The following BEGAIN variants were observed in gnomAD, a reference collection of about 807,000 sequenced individuals.
The protein encoded by BEGAIN is brain-enriched guanylate kinase-associated protein.
BEGAIN carries 19 observed loss-of-function variants against 35.8 expected under a neutral mutation model. The ratio of observed to expected loss-of-function variants is 0.53; its 90% confidence interval spans 0.37 to 0.78. The LOEUF is 0.78. BEGAIN is among the 30% of genes least tolerant of loss of function. The probability of loss-of-function intolerance (pLI) is 0.00; values close to 1 mark genes in which losing one functional copy is unlikely to be tolerated. For missense variants in BEGAIN, 795 were observed against 853.6 expected (o/e 0.93, Z 0.85); for synonymous variants, 462 against 388.6 (o/e 1.19, Z -2.22).
intron 1 of BEGAIN, among the ~76,000 whole-genome samples, chr14:100,581,725 C>A (rs1240910567): frequency 6.6e-6 from 1 of 152,228 alleles, no homozygotes; most frequent in African/African-American, 2.4e-5. Context: ...CACTCACACC[C>A]GTTTCCTCTC....
At chr14:100,542,456 C>A (rs535267490) in intron 5 of BEGAIN, among the ~76,000 whole-genome samples, 1 of 152,214 alleles carries the variant, frequency 6.6e-6, no homozygotes, top group Non-Finnish European at 1.5e-5. Context: ...GCCGGCATGC[C>A]GGCCTTCACG....
intron 1 of BEGAIN, among the ~76,000 whole-genome samples, chr14:100,583,692 CTTTTTT>C (rs56090356): frequency 5.5e-5 from 6 of 108,984 alleles, no homozygotes; most frequent in Admixed American, 1.0e-4. Flanking sequence ...GTTTTTCTTC[CTTTTTT>C]TTTTTTTTTT....
At chr14:100,545,417 T>C in intron 3 of BEGAIN, 1 of 1,104,682 alleles carries the variant, frequency 9.1e-7, no homozygotes, top group Non-Finnish European at 1.1e-6. Context: ...ACAAACCTGT[T>C]ATGGGGTTGA....
rs1033074526 is a variant in BEGAIN, at chr14:100,563,417, C to A, written c.71+4494G>T. Among the ~76,000 whole-genome samples, 5 of 152,320 alleles carry A rather than the reference C, an allele frequency of 3.3e-5. No individual in the cohort carries two copies. The highest frequency in any genetic ancestry group is 2.1e-4 in the South Asian group (1 of 4,822). On this transcript the variant is annotated intron_variant, in intron 2 of 6. Coordinates refer to ENST00000554140, the MANE Select transcript of BEGAIN (RefSeq NM_001385089.1). This position sits in a 1 kb window ranked among gnomAD's most constrained non-coding sequence, Gnocchi z 4.2. ...CATTCAACAAAATTAAAATTAAGAA[C>A]TTTTGTTCATAGAAGGACCGTGTGA...
intron 2 of BEGAIN, among the ~76,000 whole-genome samples, chr14:100,557,666 A>G (rs938795728): frequency 6.6e-6 from 1 of 152,010 alleles, no homozygotes; most frequent in Non-Finnish European, 1.5e-5. Context: ...CTGCACCCAC[A>G]TGGATGGCAG....
intron 2 of BEGAIN, among the ~76,000 whole-genome samples, chr14:100,550,987 C>G (rs1021721735): frequency 3.9e-5 from 6 of 152,164 alleles, no homozygotes; most frequent in Admixed American, 2.6e-4. Flanking sequence ...CAAGCTCCCC[C>G]TCCCTACTAG....
chr14:100,559,298 G>A (rs1375441749), intron 2 of BEGAIN, among the ~76,000 whole-genome samples: 2 of 152,200 alleles, frequency 1.3e-5, no homozygotes, highest in African/African-American at 2.4e-5. Flanking sequence ...CTCTCCCTCT[G>A]GAGAAGATGG....
chr14:100,583,565 C>T (rs550959914), intron 1 of BEGAIN, among the ~76,000 whole-genome samples: 1 of 152,262 alleles, frequency 6.6e-6, no homozygotes, highest in African/African-American at 2.4e-5. Context: ...CATCTGTCCA[C>T]CCACCCATCC....
chr14:100,580,468 C>G (rs1351851613), intron 1 of BEGAIN, among the ~76,000 whole-genome samples: 1 of 152,174 alleles, frequency 6.6e-6, no homozygotes, highest in Non-Finnish European at 1.5e-5. Context: ...GAACGTCTCT[C>G]AGGTCCTGAA....
rs2030761751 is a variant in BEGAIN, at chr14:100,537,688, C to T, written c.*281G>A. ...CCCTTTTTCTCTATAAAAATAGTTT[C>T]GCTTTATAAAAGGGGGGATGCTCCT... On this transcript the variant is annotated 3_prime_UTR_variant, in exon 7 of 7. Coordinates refer to ENST00000554140, the MANE Select transcript of BEGAIN (RefSeq NM_001385089.1). 1 of 423,256 alleles carries T rather than the reference C, an allele frequency of 2.4e-6. No homozygotes were observed. The highest frequency in any genetic ancestry group is 4.0e-5 in the Admixed American group (1 of 24,814). 26.2% of individuals were successfully genotyped at this position (423,256 alleles called of 1,614,324 possible). A position where few individuals can be genotyped will look rare whatever the true frequency, so the allele number is the denominator to read the frequency against.
chr14:100,572,485 C>T (rs780485386), intron 1 of BEGAIN, among the ~76,000 whole-genome samples: 2 of 152,134 alleles, frequency 1.3e-5, no homozygotes, highest in African/African-American at 4.8e-5. Context: ...GCTGGCCTCT[C>T]CGACCCCAAC....
chr14:100,546,574 T>C lies in BEGAIN; in HGVS notation c.160A>G (p.Thr54Ala). Residue 54 changes from threonine to alanine, a missense_variant, in exon 3 of 7, where the codon ACG becomes GCG. This residue lies in a region of BEGAIN where 58 missense variants were observed against 62.7 expected (regional missense o/e 0.92). Coordinates refer to ENST00000554140, the MANE Select transcript of BEGAIN (RefSeq NM_001385089.1). ...LEKLETEFDS[T>A]RHYLEIELRR... ...AGCTCGATCTCCAGGTAGTGGCGCG[T>C]GGAGTCGAACTCGGTCTCGAGCTTC... 6.3e-7 allele frequency: 1 copy of C among 1,590,150 alleles called. No individual in the cohort carries two copies. The highest frequency in any genetic ancestry group is 8.5e-7 in the Non-Finnish European group (1 of 1,171,444).
Position 100,539,092 on chromosome 14 carries a change from G to C in BEGAIN, c.716C>G (p.Pro239Arg). The C allele has an allele frequency of 6.2e-7, 1 of 1,611,288 alleles. No homozygotes were observed. The highest frequency in any genetic ancestry group is 8.5e-7 in the Non-Finnish European group (1 of 1,178,678). ...GCAGTAGATGTCTCCCTTGTAGGGG[G>C]GCCGCGGGCCTGGTTTCTCCACCCC... ...CDGVEKPGPR[P>R]PYKGDIYCSD... The change falls in exon 7 of 7, where the codon CCC becomes CGC. Residue 239 changes from proline to arginine, a missense_variant. Coordinates refer to ENST00000554140, the MANE Select transcript of BEGAIN (RefSeq NM_001385089.1).
intron 3 of BEGAIN, 94 bp from the exon 4 acceptor site, chr14:100,545,160 A>T (rs376786194): frequency 1.3e-6 from 2 of 1,593,534 alleles, no homozygotes; most frequent in South Asian, 1.1e-5. Context: ...GTGGGGCTGA[A>T]TTTGGACCTC....
At chr14:100,549,972 T>TG (rs1411808866) in intron 2 of BEGAIN, 1 of 153,498 alleles carries the variant, frequency 6.5e-6, no homozygotes, top group Non-Finnish European at 1.4e-5. Flanking sequence ...CTTCCAGGCC[T>TG]GGGGGCCTGG....
rs1566984774 is a variant in BEGAIN, at chr14:100,586,049, A to T, written c.42+1200T>A. On this transcript the variant is annotated intron_variant, in intron 1 of 6. Coordinates refer to ENST00000554140, the MANE Select transcript of BEGAIN (RefSeq NM_001385089.1). This position sits in a 1 kb window ranked among gnomAD's most constrained non-coding sequence, Gnocchi z 4.9. ...CGTCTCCCCGCCCTGCGTGTCACAG[A>T]TGCCAGGCAGAGCCACCCCCAACGG... Among the ~76,000 whole-genome samples, 1 of 152,204 alleles carries T rather than the reference A, an allele frequency of 6.6e-6. No individual in the cohort carries two copies. The highest frequency in any genetic ancestry group is 1.5e-5 in the Non-Finnish European group (1 of 68,028).
At chr14:100,550,756 C>T (rs1344975276) in intron 2 of BEGAIN, among the ~76,000 whole-genome samples, 1 of 152,212 alleles carries the variant, frequency 6.6e-6, no homozygotes, top group Non-Finnish European at 1.5e-5. Context: ...TCTGAAGGGT[C>T]CCAGCTCAGC....
rs201758337 is a variant in BEGAIN at position 100,539,093 on chromosome 14, G to A, written c.715C>T (p.Pro239Ser). ...CDGVEKPGPRPPYKGDIYCSD... is the reference protein window; with the variant it reads ...CDGVEKPGPRSPYKGDIYCSD... ...CAGTAGATGTCTCCCTTGTAGGGGG[G>A]CCGCGGGCCTGGTTTCTCCACCCCG... The change falls in exon 7 of 7, where the codon CCC becomes TCC. Residue 239 changes from proline (P) to serine (S), a missense_variant. By Grantham distance (74) the Pro-to-Ser change is moderately conservative. This residue lies in a region of BEGAIN where 664 missense variants were observed against 647.7 expected (regional missense o/e 1.03). Transcript: ENST00000554140. The A allele has an allele frequency of 6.8e-6, 11 of 1,611,226 alleles. No homozygotes were observed. The East Asian group carries it at 1.8e-4, about 26-fold the overall frequency.
At position 100,568,383 on chromosome 14, in the gene BEGAIN, C is replaced by T; in HGVS notation, c.43-444G>A. On this transcript the variant is annotated intron_variant, in intron 1 of 6. Transcript: ENST00000554140. This position sits in a 1 kb window ranked among gnomAD's most constrained non-coding sequence, Gnocchi z 7.5. ...AAGCCGAACCCCGGAATCGCAGAAC[C>T]TCCGAGTCGGAGAATGTTGGGGAAT... 4 of 1,226,256 alleles carry T rather than the reference C, an allele frequency of 3.3e-6. No homozygotes were observed. The highest frequency in any genetic ancestry group is 2.6e-5 in the South Asian group (2 of 75,966). The allele number at this position is 1,226,256 out of a possible 1,614,324, so 76.0% of individuals were successfully genotyped here.
Sources: gnomAD v4.1 joint callset for allele counts (sites outside exome capture counted in the v4.1 genomes callset) on GRCh38, gnomAD v4.1.1 for gene constraint, gnomAD v4.1.1 regional missense constraint, Gnocchi (gnomAD v3.1) non-coding constraint, MANE v1.5 for transcripts, NCBI Gene and HGNC (gene_info 2026-07-23, HGNC 2026-07-21) for gene names.